Variants in CD86 observed in about 807,000 individuals in gnomAD.
CD86 encodes the protein CD86 molecule.
In CD86, 11 loss-of-function variants were observed where a neutral mutation model predicts 32.1. The observed-to-expected ratio is 0.34, with a 90% CI of 0.22 to 0.57. The LOEUF (loss-of-function observed/expected upper bound fraction) is 0.57. Among genes scored for constraint, CD86 ranks in the 20% least tolerant of loss-of-function variants. The pLI is 0.86. For missense variants in CD86, 359 were observed against 398.4 expected, an observed-to-expected ratio of 0.90 and a Z score of 0.84; for synonymous variants, 137 against 135.3, an observed-to-expected ratio of 1.01 and a Z score of -0.09.
intron 1 of CD86, among the ~76,000 whole-genome samples, chr3:122,064,230 G>C (rs529040542): frequency 2.7e-5 from 4 of 150,896 alleles, no homozygotes; most frequent in Non-Finnish European, 5.9e-5. Context: ...GGAGCAAGGG[G>C]GAGCACCAAG....
intron 1 of CD86, among the ~76,000 whole-genome samples, chr3:122,079,730 G>A (rs2715261): frequency 0.11 from 17,358 of 152,114 alleles, 1,059 homozygotes; most frequent in Non-Finnish European, 0.14. Context: ...GGAAATAGGC[G>A]CCATTTTGAA....
At chr3:122,069,396 A>G (rs1435748938) in intron 1 of CD86, among the ~76,000 whole-genome samples, 1 of 152,218 alleles carries the variant, frequency 6.6e-6, no homozygotes, top group African/African-American at 2.4e-5. Context: ...AACAAAGGTA[A>G]AGCATGAAAA....
chr3:122,104,454 A>G (rs2107539552), intron 3 of CD86, among the ~76,000 whole-genome samples: 1 of 152,314 alleles, frequency 6.6e-6, no homozygotes, highest in East Asian at 1.9e-4. Flanking sequence ...ATGCCACTAC[A>G]GATTTTTTTA....
At chr3:122,060,972 A>G in intron 1 of CD86, among the ~76,000 whole-genome samples, 1 of 152,204 alleles carries the variant, frequency 6.6e-6, no homozygotes, top group East Asian at 1.9e-4. Context: ...AAGTATTAAA[A>G]CACTTTCTTA....
Position 122,088,573 on chromosome 3 carries a change from C to T in CD86, c.15-3028C>T, listed in dbSNP as rs575480712. 6.4e-4 allele frequency among the ~76,000 whole-genome samples: 98 copies of T among 152,286 alleles called. 1 individual carries two copies. In the South Asian group the frequency reaches 0.017, roughly 26 times the overall value. On this transcript the variant is annotated intron_variant, in intron 1 of 6. Coordinates refer to ENST00000330540, the MANE Select transcript of CD86 (RefSeq NM_175862.5). ...CTATTGAGCCAAAGCTGACACCACA[C>T]AAGCGCAGAGTATGGGAACAGAGTT... is the stretch of plus-strand genomic sequence containing the variant.
At chr3:122,103,283 C>T (rs560286242) in intron 2 of CD86, among the ~76,000 whole-genome samples, 19 of 152,224 alleles carry the variant, frequency 1.2e-4, no homozygotes, top group African/African-American at 4.3e-4. Context: ...AACTGAGGCT[C>T]ATAAAGATTG....
rs974257450 is a variant in CD86 at position 122,106,336 on chromosome 3, T to C, written c.539T>C (p.Ile180Thr). The C allele has an allele frequency of 2.5e-5, 40 of 1,614,020 alleles. No individual in the cohort carries two copies. The highest frequency in any genetic ancestry group is 3.3e-5 in the Non-Finnish European group (39 of 1,179,998). ...SVLLRTKNST[I>T]EYDGVMQKSQ... ...TTGCTAAGAACCAAGAATTCAACTA[T>C]CGAGTATGATGGTGTTATGCAGAAA... The change falls in exon 4 of 7, where the codon ATC becomes ACC. Residue 180 changes from isoleucine to threonine, a missense_variant. Transcript: ENST00000330540.
intron 1 of CD86, among the ~76,000 whole-genome samples, chr3:122,063,959 A>G (rs6786977): frequency 0.49 from 74,000 of 152,086 alleles, 19,716 homozygotes; most frequent in Admixed American, 0.65. Flanking sequence ...GGTTTACAAA[A>G]CAAACAAACA....
rs1357097617 is a variant in CD86 at position 122,106,414 on chromosome 3, C to T, written c.617C>T (p.Ser206Leu). ...LYDVSISLSV[S>L]FPDVTSNMTI... The stretch of plus-strand genomic sequence containing the variant: ...GACGTTTCCATCAGCTTGTCTGTTT[C>T]ATTCCCTGATGTTACGAGCAATATG... The change falls in exon 4 of 7, where the codon TCA (serine) becomes TTA (leucine). Residue 206 changes from serine to leucine, a missense_variant. By Grantham distance (145) the Ser-to-Leu change is moderately radical. Coordinates refer to ENST00000330540, the MANE Select transcript of CD86 (RefSeq NM_175862.5). The T allele has an allele frequency of 6.2e-7, 1 of 1,613,888 alleles. No individual in the cohort carries two copies. The highest frequency in any genetic ancestry group is 8.5e-7 in the Non-Finnish European group (1 of 1,179,902).
intron 1 of CD86, chr3:122,077,736 G>A (rs2072573887): frequency 1.0e-6 from 1 of 984,976 alleles, no homozygotes; most frequent in Admixed American, 6.2e-5. Flanking sequence ...CATGCTCCGA[G>A]GGTACGTTTG....
At chr3:122,082,122 A>G (rs1559903015) in intron 1 of CD86, among the ~76,000 whole-genome samples, 3 of 152,206 alleles carry the variant, frequency 2.0e-5, no homozygotes, top group Admixed American at 6.5e-5. Flanking sequence ...ATTCGCTCCT[A>G]AAATGTCTCT....
At chr3:122,059,003 CAA>C (rs1293510698) in intron 1 of CD86, among the ~76,000 whole-genome samples, 6 of 152,030 alleles carry the variant, frequency 3.9e-5, no homozygotes, top group Admixed American at 3.9e-4. Context: ...GCATCCTTCA[CAA>C]AATGGAAGGT....
intron 5 of CD86, among the ~76,000 whole-genome samples, chr3:122,113,758 A>C (rs1189316966): frequency 6.6e-6 from 1 of 152,214 alleles, no homozygotes; most frequent in Non-Finnish European, 1.5e-5. Context: ...GAACTCAGTC[A>C]ATTAAGAAAT....
At chr3:122,093,442 C>G (rs1576775207) in intron 2 of CD86, among the ~76,000 whole-genome samples, 1 of 152,162 alleles carries the variant, frequency 6.6e-6, no homozygotes, top group East Asian at 1.9e-4. Context: ...CATAGGGTGT[C>G]CTTACACAAA....
At chr3:122,104,727 G>C (rs2073064528) in intron 3 of CD86, among the ~76,000 whole-genome samples, 1 of 152,180 alleles carries the variant, frequency 6.6e-6, no homozygotes, top group South Asian at 2.1e-4. Context: ...GGCTTCTTTC[G>C]TTTAGCGCGC....
At chr3:122,104,735 C>T (rs191095701) in intron 3 of CD86, among the ~76,000 whole-genome samples, 212 of 152,304 alleles carry the variant, frequency 1.4e-3, no homozygotes, top group Middle Eastern at 6.8e-3. Flanking sequence ...TCGTTTAGCG[C>T]GCCTTCGAGA....
At chr3:122,112,948 C>T (rs986048122) in intron 5 of CD86, among the ~76,000 whole-genome samples, 1 of 152,280 alleles carries the variant, frequency 6.6e-6, no homozygotes, top group East Asian at 1.9e-4. Flanking sequence ...TTTGGTGCCA[C>T]CTGTCACTCG....
At chr3:122,066,060 C>T (rs944519993) in intron 1 of CD86, among the ~76,000 whole-genome samples, 5 of 152,158 alleles carry the variant, frequency 3.3e-5, no homozygotes, top group Admixed American at 3.3e-4. Context: ...AGCCAAAACC[C>T]AGCTCCTTAA....
intron 2 of CD86, among the ~76,000 whole-genome samples, chr3:122,098,855 T>C (rs1198501617): frequency 1.3e-5 from 2 of 152,126 alleles, no homozygotes; most frequent in African/African-American, 2.4e-5. Flanking sequence ...ATTTAGATGA[T>C]TGTAGACAGA....
Sources: allele counts gnomAD v4.1 joint callset (sites outside exome capture counted in the v4.1 genomes callset), GRCh38; gene constraint gnomAD v4.1.1; transcripts MANE v1.5; gene names NCBI Gene and HGNC (gene_info 2026-07-23, HGNC 2026-07-21).